CLHC1: variants seen among roughly 807,000 people sequenced by gnomAD.
The protein encoded by CLHC1 is clathrin heavy chain linker domain containing 1.
In CLHC1, 72 loss-of-function variants were observed where a neutral mutation model predicts 69.5. The ratio of observed to expected loss-of-function variants is 1.04; its 90% CI spans 0.86 to 1.26. The LOEUF (loss-of-function observed/expected upper bound fraction) is 1.26. CLHC1 is among the 50% of genes most tolerant of loss of function. The pLI is 0.00. For synonymous variants in CLHC1, 223 were observed against 224.3 expected, an observed-to-expected ratio of 0.99 and a Z score of 0.05; for missense variants, 790 against 679.3, an observed-to-expected ratio of 1.16 and a Z score of -1.81.
In CLHC1 at chr2:55,181,714, G is replaced by A. The variant is rs747962633; in HGVS notation, c.1037C>T (p.Pro346Leu). ...GAGGGCCTCAAAAAATAAGAGTAAT[G>A]GAAGAGGCTTTCCTCTAATTTTTCC... Reference protein sequence around the residue: ...AVGKIRGKPLPLLLFFEALFI... With the variant: ...AVGKIRGKPLLLLLFFEALFI... Residue 346 changes from proline (P) to leucine (L), a missense_variant, in exon 10 of 13, where the codon CCA becomes CTA. Physicochemically the swap from Pro to Leu is moderately conservative, Grantham distance 98 (BLOSUM62 -3). Coordinates refer to ENST00000401408, the MANE Select transcript of CLHC1 (RefSeq NM_152385.4). 17 of 1,613,020 alleles carry A rather than the reference G, an allele frequency of 1.1e-5. No homozygotes were observed. The highest frequency in any genetic ancestry group is 1.4e-5 in the Non-Finnish European group (17 of 1,179,752).
intron 9 of CLHC1, among the ~76,000 whole-genome samples, chr2:55,188,857 A>G (rs1346996668): frequency 1.9e-4 from 29 of 152,220 alleles, no homozygotes; most frequent in Admixed American, 1.9e-3. Flanking sequence ...ATTCAGGAAC[A>G]CATGCAGGAT....
At chr2:55,183,530 T>C (rs1670120373) in intron 9 of CLHC1, among the ~76,000 whole-genome samples, 1 of 152,218 alleles carries the variant, frequency 6.6e-6, no homozygotes, top group South Asian at 2.1e-4. Context: ...AGATTCTGCG[T>C]CCGATTGAGG....
At chr2:55,209,602 T>G (rs902826438) in intron 6 of CLHC1, 28 bp downstream of exon 6, 17 of 1,605,574 alleles carry the variant, frequency 1.1e-5, no homozygotes, top group Non-Finnish European at 1.4e-5. Context: ...AACTCCAAAC[T>G]TTAAAAACAT....
At chr2:55,206,212 A>T in intron 9 of CLHC1, 58 bp downstream of exon 9, 1 of 990,148 alleles carries the variant, frequency 1.0e-6, no homozygotes, top group Admixed American at 2.1e-5. Flanking sequence ...TTTCTATTTT[A>T]TGAGAGAAAA....
chr2:55,208,865 C>CCTTTTTTTTTTTTTTTTTTTTT (rs1553353361), intron 7 of CLHC1, among the ~76,000 whole-genome samples, 155 bp from the exon 8 acceptor site: 1 of 90,820 alleles, frequency 1.1e-5, no homozygotes. Flanking sequence ...TCCCTTTCCT[C>CCTTTTTTTTTTTTTTTTTTTTT]TTTTTTTTTT....
At chr2:55,183,344 G>T (rs1293363756) in intron 9 of CLHC1, among the ~76,000 whole-genome samples, 1 of 152,134 alleles carries the variant, frequency 6.6e-6, no homozygotes, top group Non-Finnish European at 1.5e-5. Flanking sequence ...TCCAGTAAAA[G>T]AAATAGGAAC....
At chr2:55,194,944 G>A (rs912427477) in intron 9 of CLHC1, among the ~76,000 whole-genome samples, 1 of 151,456 alleles carries the variant, frequency 6.6e-6, no homozygotes, top group Admixed American at 6.6e-5. Flanking sequence ...GGGGGATGGG[G>A]TATCATTCTG....
intron 12 of CLHC1, among the ~76,000 whole-genome samples, chr2:55,176,294 G>A (rs1669384989): frequency 6.6e-6 from 1 of 152,136 alleles, no homozygotes; most frequent in Admixed American, 6.5e-5. Context: ...AAGGCTATAA[G>A]GCAGGAGCTC....
chr2:55,229,410 A>T (rs1230362201), intron 1 of CLHC1, among the ~76,000 whole-genome samples: 1 of 152,102 alleles, frequency 6.6e-6, no homozygotes, highest in African/African-American at 2.4e-5. Flanking sequence ...CAAAGAGAGT[A>T]GCCAGTCCAA....
At chr2:55,229,491 G>A (rs2104163146) in intron 1 of CLHC1, among the ~76,000 whole-genome samples, 1 of 152,284 alleles carries the variant, frequency 6.6e-6, no homozygotes, top group East Asian at 1.9e-4. Flanking sequence ...GAATGAGAAA[G>A]GGAGAGAAGA....
intron 10 of CLHC1, among the ~76,000 whole-genome samples, chr2:55,181,102 T>C (rs757829641): frequency 4.1e-4 from 62 of 152,140 alleles, no homozygotes; most frequent in Non-Finnish European, 7.4e-4. Context: ...TGCCTCAGCT[T>C]CCTGAGTAGC....
intron 8 of CLHC1, among the ~76,000 whole-genome samples, chr2:55,207,119 A>G (rs1672530021): frequency 6.6e-6 from 1 of 152,058 alleles, no homozygotes; most frequent in East Asian, 1.9e-4. Context: ...CGTCTGAAAA[A>G]AAAAAAAATG....
At chr2:55,221,203 A>G (rs935458691) in intron 3 of CLHC1, among the ~76,000 whole-genome samples, 2 of 152,210 alleles carry the variant, frequency 1.3e-5, no homozygotes, top group Non-Finnish European at 2.9e-5. Context: ...CCTTAAGGTA[A>G]GTACTTCCTG....
intron 10 of CLHC1, 27 bp from the exon 11 acceptor site, chr2:55,180,739 A>G: frequency 6.3e-7 from 1 of 1,591,180 alleles, no homozygotes; most frequent in Non-Finnish European, 8.6e-7. Flanking sequence ...AATAAGACAT[A>G]TGTTAGAAAA....
At position 55,212,757 on chromosome 2, in the gene CLHC1, G is replaced by T; in HGVS notation, c.415C>A (p.His139Asn). The T allele has an allele frequency of 6.3e-7, 1 of 1,598,626 alleles. No individual in the cohort carries two copies. Among genetic ancestry groups the T allele is most frequent in the Non-Finnish European group, 8.6e-7 (1 of 1,166,038 alleles). The change falls in exon 5 of 13, where the codon CAC (histidine) becomes AAC (asparagine). Residue 139 changes from histidine to asparagine, a missense_variant. By Grantham distance (68) the His-to-Asn change is moderately conservative. Coordinates refer to ENST00000401408, the MANE Select transcript of CLHC1 (RefSeq NM_152385.4). ...TACTCTGCCCTACACTGCTTGATGT[G>T]ATCTATTTGAGATTGAATCTTCGAG... is the stretch of plus-strand genomic sequence containing the variant. ...NSSKIQSQID[H>N]IKQCRAEYDT...
rs566718081 is a variant in CLHC1, at chr2:55,202,433, G to A, written c.1006+3837C>T. Among the ~76,000 whole-genome samples the A allele has an allele frequency of 2.6e-5, 4 of 151,906 alleles. No homozygotes were observed. In the East Asian group the frequency reaches 7.7e-4, roughly 29 times the overall value. On this transcript the variant is annotated intron_variant, in intron 9 of 12. Transcript: ENST00000401408. ...TAGCCGGGCCTGGTGGCAGGTGCCT[G>A]TAATCCCAGGTACTCGGGAGGCTGA...
chr2:55,179,926 G>A (rs1033156919), intron 11 of CLHC1, among the ~76,000 whole-genome samples: 13 of 152,202 alleles, frequency 8.5e-5, no homozygotes, highest in African/African-American at 3.1e-4. Flanking sequence ...AGGCTGAGGC[G>A]GGCAGATCAC....
At chr2:55,195,580 T>A (rs1331475954) in intron 9 of CLHC1, among the ~76,000 whole-genome samples, 1 of 152,120 alleles carries the variant, frequency 6.6e-6, no homozygotes, top group Non-Finnish European at 1.5e-5. Context: ...GGCAGGCAGA[T>A]CACTTGAGGT....
At chr2:55,196,940 C>A (rs560126657) in intron 9 of CLHC1, among the ~76,000 whole-genome samples, 2 of 152,268 alleles carry the variant, frequency 1.3e-5, no homozygotes, top group East Asian at 1.9e-4. Flanking sequence ...CATTTATGGA[C>A]CTAGCCTGAA....
Sources: gnomAD v4.1 joint callset for allele counts (sites outside exome capture counted in the v4.1 genomes callset) on GRCh38, gnomAD v4.1.1 for gene constraint, MANE v1.5 for transcripts, NCBI Gene and HGNC (gene_info 2026-07-23, HGNC 2026-07-21) for gene names.